ARSB: variants seen among roughly 807,000 people sequenced by gnomAD.
ARSB encodes arylsulfatase B, also known as N-acetylgalactosamine-4-sulfatase.
Under a neutral mutation model 50.9 loss-of-function variants are expected in ARSB, and 41 were observed. The ratio of observed to expected loss-of-function variants is 0.81; its 90% CI spans 0.63 to 1.04. The LOEUF is 1.04. Ranked by LOEUF, ARSB falls within the 50% of genes least tolerant of loss-of-function variation. The pLI is 0.00. For synonymous variants in ARSB, 269 were observed against 284.8 expected (o/e 0.94, Z 0.56); for missense variants, 672 against 693.3 (o/e 0.97, Z 0.35).
chr5:78,920,356 C>G (rs1043620446), intron 4 of ARSB, among the ~76,000 whole-genome samples: 2 of 152,078 alleles, frequency 1.3e-5, no homozygotes, highest in Non-Finnish European at 2.9e-5. Context: ...CCAGCCTGAG[C>G]AACATAGCAA....
intron 3 of ARSB, among the ~76,000 whole-genome samples, chr5:78,963,057 A>G (rs532744484): frequency 6.6e-6 from 1 of 152,336 alleles, no homozygotes; most frequent in African/African-American, 2.4e-5. Context: ...GCCTAATGGC[A>G]GCTGTCTGGG....
intron 6 of ARSB, chr5:78,816,992 G>T: frequency 1.4e-6 from 1 of 734,582 alleles, no homozygotes; most frequent in Non-Finnish European, 1.7e-6. Flanking sequence ...AGAACTGTGA[G>T]GTAGTAAACA....
intron 1 of ARSB, among the ~76,000 whole-genome samples, chr5:78,980,963 T>A: frequency 2.4e-4 from 1 of 4,238 alleles, no homozygotes; most frequent in Non-Finnish European, 3.8e-4. Flanking sequence ...TTTTTTTTTT[T>A]TTTTTGAGAC....
chr5:78,929,602 C>T (rs1436775152), intron 4 of ARSB, among the ~76,000 whole-genome samples: 4 of 151,854 alleles, frequency 2.6e-5, no homozygotes, highest in African/African-American at 9.7e-5. Context: ...AACAGCCTGG[C>T]CCACATAGCA....
intron 5 of ARSB, among the ~76,000 whole-genome samples, chr5:78,873,712 G>A (rs1395204076): frequency 2.6e-5 from 4 of 151,416 alleles, no homozygotes; most frequent in Non-Finnish European, 5.9e-5. Flanking sequence ...AGCCGGGATG[G>A]TCTCGATCTC....
intron 4 of ARSB, among the ~76,000 whole-genome samples, chr5:78,910,559 T>A (rs1046785330): frequency 2.6e-5 from 4 of 152,168 alleles, no homozygotes; most frequent in African/African-American, 9.7e-5. Context: ...AAGAGAGATA[T>A]GGATAGGTCT....
intron 5 of ARSB, among the ~76,000 whole-genome samples, chr5:78,873,835 C>G (rs553779914): frequency 6.6e-6 from 1 of 152,152 alleles, no homozygotes; most frequent in Non-Finnish European, 1.5e-5. Flanking sequence ...AAAAGAAGAT[C>G]TGAATATACA....
At chr5:78,895,981 C>A (rs898257028) in intron 4 of ARSB, among the ~76,000 whole-genome samples, 1 of 152,154 alleles carries the variant, frequency 6.6e-6, no homozygotes, top group East Asian at 1.9e-4. Flanking sequence ...GTGGAAAGAA[C>A]CATGCCTCAT....
intron 3 of ARSB, among the ~76,000 whole-genome samples, chr5:78,960,035 G>A (rs1261868861): frequency 1.3e-5 from 2 of 152,112 alleles, no homozygotes; most frequent in African/African-American, 4.8e-5. Context: ...TTTTTCTTAG[G>A]TCCAGATCCC....
rs754028302 is a variant in ARSB at position 78,932,015 on chromosome 5, T to C, written c.898+23280A>G. On this transcript the variant is annotated intron_variant, in intron 4 of 7. Coordinates refer to ENST00000264914, the MANE Select transcript of ARSB (RefSeq NM_000046.5). ...CTCCCCAGCCATGTGGAACTGGCTC[T>C]TAAACCTCTTTCCTTTATAAATTAC... 8.5e-5 allele frequency among the ~76,000 whole-genome samples: 13 copies of C among 152,258 alleles called. No homozygotes were observed. The South Asian group carries it at 1.2e-3, about 15-fold the overall frequency.
chr5:78,873,678 G>A (rs1747344323), intron 5 of ARSB, among the ~76,000 whole-genome samples: 1 of 150,790 alleles, frequency 6.6e-6, no homozygotes, highest in East Asian at 1.9e-4. Flanking sequence ...TGTATTTTTA[G>A]TAGAGACGGG....
intron 2 of ARSB, among the ~76,000 whole-genome samples, chr5:78,967,597 C>T (rs7727489): frequency 0.26 from 40,081 of 151,350 alleles, 6,598 homozygotes; most frequent in African/African-American, 0.47. Context: ...TGCTTGAACC[C>T]GGGAGGCGGA....
intron 6 of ARSB, among the ~76,000 whole-genome samples, chr5:78,800,978 T>C (rs1743373641): frequency 1.3e-5 from 2 of 152,028 alleles, no homozygotes; most frequent in Non-Finnish European, 2.9e-5. Flanking sequence ...TCACCAAGTT[T>C]GTTTGGACTC....
At chr5:78,863,885 C>T (rs950300296) in intron 5 of ARSB, among the ~76,000 whole-genome samples, 1 of 151,440 alleles carries the variant, frequency 6.6e-6, no homozygotes, top group African/African-American at 2.4e-5. Flanking sequence ...TGCTGTTTTT[C>T]TTAAAGTGGA....
At chr5:78,793,357 C>T (rs915054297) in intron 6 of ARSB, among the ~76,000 whole-genome samples, 1 of 152,214 alleles carries the variant, frequency 6.6e-6, no homozygotes, top group Non-Finnish European at 1.5e-5. Context: ...CCTTAGAAGA[C>T]AACGCTCTTT....
chr5:78,968,325 TTA>T (rs1580142048), intron 2 of ARSB, among the ~76,000 whole-genome samples: 1 of 66,818 alleles, frequency 1.5e-5, no homozygotes, highest in East Asian at 2.7e-4. Context: ...TTTATTATTA[TTA>T]TTATTATTAT....
At chr5:78,881,563 T>C (rs1312192155) in intron 5 of ARSB, among the ~76,000 whole-genome samples, 1 of 152,016 alleles carries the variant, frequency 6.6e-6, no homozygotes, top group African/African-American at 2.4e-5. Context: ...AAAGACAAAA[T>C]ACAAATGGAA....
At chr5:78,978,335 T>TA (rs35665104) in intron 1 of ARSB, among the ~76,000 whole-genome samples, 5 of 142,106 alleles carry the variant, frequency 3.5e-5, no homozygotes, top group East Asian at 4.0e-4. Context: ...GACTCTGTCT[T>TA]AAAAAAAAAA....
Position 78,780,594 on chromosome 5 carries a change from T to A in ARSB, c.1405A>T (p.Thr469Ser). 4 of 1,614,062 alleles carry A rather than the reference T, an allele frequency of 2.5e-6. No homozygotes were observed. The highest frequency in any genetic ancestry group is 3.4e-6 in the Non-Finnish European group (4 of 1,179,974). Residue 469 changes from threonine to serine, a missense_variant, in exon 8 of 8, where the codon ACC (threonine) becomes TCC (serine). Thr to Ser is a moderately conservative substitution (Grantham distance 58, BLOSUM62 1). Coordinates refer to ENST00000264914, the MANE Select transcript of ARSB (RefSeq NM_000046.5). Reference sequence around the variant, plus strand: ...ATATCAAAGAGCCAGAGGGTCTTGGTTGGTGGGTCTGATGAGGGTATCTCA... The same window carrying A: ...ATATCAAAGAGCCAGAGGGTCTTGGATGGTGGGTCTGATGAGGGTATCTCA... ...VSEIPSSDPPTKTLWLFDIDR... is the reference protein window; with the variant it reads ...VSEIPSSDPPSKTLWLFDIDR...
Sources: gnomAD v4.1 joint callset for allele counts (sites outside exome capture counted in the v4.1 genomes callset) on GRCh38, gnomAD v4.1.1 for gene constraint, MANE v1.5 for transcripts, NCBI Gene and HGNC (gene_info 2026-07-23, HGNC 2026-07-21) for gene names.